The following PDK1 variants were observed in gnomAD, a reference collection of about 807,000 sequenced individuals.
PDK1 encodes the protein [Pyruvate dehydrogenase (acetyl-transferring)] kinase isozyme 1, mitochondrial.
In PDK1, 39 loss-of-function variants were observed where a neutral mutation model predicts 54.2. That is an observed-to-expected ratio of 0.72 (90% CI 0.56 to 0.94). The LOEUF (loss-of-function observed/expected upper bound fraction) is 0.94. Among genes scored for constraint, PDK1 ranks in the 40% least tolerant of loss-of-function variants. The probability of loss-of-function intolerance (pLI) is 0.00; values close to 1 mark genes in which losing one functional copy is unlikely to be tolerated. For synonymous variants in PDK1, 221 were observed against 207.1 expected (o/e 1.07, Z -0.58); for missense variants, 552 against 566.0 (o/e 0.98, Z 0.25).
intron 8 of PDK1, among the ~76,000 whole-genome samples, chr2:172,584,461 G>T (rs567634867): frequency 2.0e-5 from 3 of 151,114 alleles, no homozygotes; most frequent in East Asian, 3.9e-4. Flanking sequence ...CTAATTAATG[G>T]TTAACAATAT....
At chr2:172,700,869 G>A in the PDK1 span, among the ~76,000 whole-genome samples, 1 of 152,166 alleles carries the variant, frequency 6.6e-6, no homozygotes, top group Non-Finnish European at 1.5e-5. Flanking sequence ...CAGGCATGGC[G>A]GCGCACGCCT....
Position 172,592,994 on chromosome 2 carries a change from C to T in PDK1, c.1116C>T (p.Asp372=). The T allele has an allele frequency of 9.3e-6, 15 of 1,611,992 alleles. No homozygotes were observed. The highest frequency in any genetic ancestry group is 1.3e-5 in the Non-Finnish European group (15 of 1,178,336). Reference sequence around the variant, plus strand: ...TTTACGCACAATACTTCCAAGGAGACCTGAAGCTGTATTCCCTAGAGGGTT... The same window carrying T: ...TTTACGCACAATACTTCCAAGGAGATCTGAAGCTGTATTCCCTAGAGGGTT... ...SRLYAQYFQG[D]LKLYSLEGYG... is the part of the protein sequence containing the mutation. Residue 372 remains aspartate (D), a synonymous_variant, in exon 10 of 11, where the codon GAC becomes GAT. Coordinates refer to ENST00000282077, the MANE Select transcript of PDK1 (RefSeq NM_002610.5).
intron 8 of PDK1, among the ~76,000 whole-genome samples, chr2:172,571,811 A>G (rs1689273197): frequency 7.6e-6 from 1 of 131,442 alleles, no homozygotes; most frequent in Admixed American, 7.5e-5. Flanking sequence ...AGAGATTCTT[A>G]GTCTTTCTTT....
the PDK1 span, among the ~76,000 whole-genome samples, chr2:172,703,631 G>A: frequency 7.3e-4 from 111 of 152,012 alleles, no homozygotes; most frequent in Admixed American, 1.4e-3. Context: ...TTTAGCCGAG[G>A]GAAGCCAGGA....
At chr2:172,644,906 TACTTA>T in the PDK1 span, among the ~76,000 whole-genome samples, 1 of 147,008 alleles carries the variant, frequency 6.8e-6, no homozygotes, top group African/African-American at 2.4e-5. Context: ...CTAAACAAAT[TACTTA>T]ACTTCTTTAT....
At chr2:172,644,149 C>G in the PDK1 span, among the ~76,000 whole-genome samples, 32,944 of 152,144 alleles carry the variant, frequency 0.22, 3,689 homozygotes, top group Non-Finnish European at 0.25. Flanking sequence ...CCACAGCAAA[C>G]ACCTGCTGTA....
chr2:172,680,156 T>C, the PDK1 span, among the ~76,000 whole-genome samples: 1 of 152,190 alleles, frequency 6.6e-6, no homozygotes, highest in Non-Finnish European at 1.5e-5. Flanking sequence ...CCTTGCATGC[T>C]CTGTCACAGT....
Position 172,562,877 on chromosome 2 carries a change from C to T in PDK1, c.410+586C>T, listed in dbSNP as rs116338162. On this transcript the variant is annotated intron_variant, in intron 3 of 10. Coordinates refer to ENST00000282077, the MANE Select transcript of PDK1 (RefSeq NM_002610.5). ...AGTATTTGCCTTATGCAGCTACCTGCTTATTGCAGTGAAGGGTACTGAGAG... is the reference window on the plus strand; with the variant it reads ...AGTATTTGCCTTATGCAGCTACCTGTTTATTGCAGTGAAGGGTACTGAGAG... 2.5e-3 allele frequency: 3,426 copies of T among 1,351,592 alleles called. 10 individuals are homozygous for T. The highest frequency in any genetic ancestry group is 6.5e-3 in the South Asian group (520 of 79,636). The allele number at this position is 1,351,592 out of a possible 1,614,324, so 83.7% of individuals were successfully genotyped here.
chr2:172,581,339 C>T (rs1489607314), intron 8 of PDK1, among the ~76,000 whole-genome samples: 2 of 152,170 alleles, frequency 1.3e-5, no homozygotes, highest in African/African-American at 4.8e-5. Context: ...GATCCGTCTG[C>T]CTCCGCCTCC....
At chr2:172,686,016 C>T in the PDK1 span, among the ~76,000 whole-genome samples, 1 of 152,196 alleles carries the variant, frequency 6.6e-6, no homozygotes, top group Non-Finnish European at 1.5e-5. Flanking sequence ...ATTCCAGGAG[C>T]TGTGTTAAGT....
At chr2:172,616,683 T>C in the PDK1 span, among the ~76,000 whole-genome samples, 24 of 152,344 alleles carry the variant, frequency 1.6e-4, 1 homozygote, top group South Asian at 4.8e-3. Context: ...AATTTACTTA[T>C]ATGTGATGGG....
the PDK1 span, among the ~76,000 whole-genome samples, chr2:172,685,254 T>C: frequency 1.3e-5 from 2 of 152,228 alleles, no homozygotes; most frequent in Non-Finnish European, 2.9e-5. Flanking sequence ...GGTTCCTGAC[T>C]GGCCTCTTCA....
At chr2:172,649,992 G>A in the PDK1 span, among the ~76,000 whole-genome samples, 2 of 152,034 alleles carry the variant, frequency 1.3e-5, no homozygotes, top group African/African-American at 2.4e-5. Context: ...AGAGAACGCC[G>A]CAAAGATACT....
Position 172,595,825 on chromosome 2 carries a change from TCAGG to T in PDK1, c.1171-2_1172del. On this transcript the variant is annotated splice_acceptor_variant and splice_polypyrimidine_tract_variant and coding_sequence_variant and intron_variant, in exon 11 of 11. Transcript: ENST00000282077. LOFTEE classifies it high-confidence loss of function. ...TTAATAGGTCTTAGGTTTTTCTTTT[TCAGG>T]CTCTGTCAACAGACTCAATAGAAAG... is the stretch of plus-strand genomic sequence containing the variant. The T allele has an allele frequency of 6.2e-7, 1 of 1,613,284 alleles. No individual in the cohort carries two copies. Among genetic ancestry groups the T allele is most frequent in the Non-Finnish European group, 8.5e-7 (1 of 1,179,460 alleles).
At chr2:172,575,667 C>T (rs985673644) in intron 8 of PDK1, among the ~76,000 whole-genome samples, 1 of 150,990 alleles carries the variant, frequency 6.6e-6, no homozygotes, top group Admixed American at 6.6e-5. Flanking sequence ...ACTAAAAATA[C>T]AAAAATTAGC....
chr2:172,652,987 A>T, the PDK1 span, among the ~76,000 whole-genome samples: 2 of 152,192 alleles, frequency 1.3e-5, no homozygotes, highest in African/African-American at 4.8e-5. Flanking sequence ...GTTCATATGG[A>T]ACCAAAAAAG....
At chr2:172,653,359 T>C in the PDK1 span, among the ~76,000 whole-genome samples, 1 of 152,216 alleles carries the variant, frequency 6.6e-6, no homozygotes, top group African/African-American at 2.4e-5. Context: ...TCCCAGCACT[T>C]TGGGAGGCTA....
chr2:172,651,511 C>CA, the PDK1 span, among the ~76,000 whole-genome samples: 999 of 152,134 alleles, frequency 6.6e-3, 9 homozygotes, highest in African/African-American at 0.022. Flanking sequence ...AAAAACCCTT[C>CA]AAAAAATCAA....
the PDK1 span, among the ~76,000 whole-genome samples, chr2:172,633,248 A>G: frequency 6.6e-6 from 1 of 151,348 alleles, no homozygotes; most frequent in Non-Finnish European, 1.5e-5. Context: ...GGGTCTCACT[A>G]TGTTGTCCAG....
Sources: allele counts gnomAD v4.1 joint callset (sites outside exome capture counted in the v4.1 genomes callset), GRCh38; gene constraint gnomAD v4.1.1; transcripts MANE v1.5; gene names NCBI Gene and HGNC (gene_info 2026-07-23, HGNC 2026-07-21).